Variants in ANKRD6 observed in about 807,000 individuals in gnomAD.
ANKRD6 encodes the protein ankyrin repeat domain 6.
In ANKRD6, 56 loss-of-function variants were observed where a neutral mutation model predicts 82.3. The observed-to-expected ratio is 0.68, with a 90% CI of 0.55 to 0.85. The LOEUF is 0.85. Among genes scored for constraint, ANKRD6 ranks in the 40% least tolerant of loss-of-function variants. ANKRD6 has a pLI of 0.00. For missense variants in ANKRD6, 852 were observed against 907.6 expected, an observed-to-expected ratio of 0.94 and a Z score of 0.79; for synonymous variants, 347 against 352.1, an observed-to-expected ratio of 0.99 and a Z score of 0.16.
At chr6:89,610,473 A>G (rs2128211936) in intron 5 of ANKRD6, among the ~76,000 whole-genome samples, 1 of 151,590 alleles carries the variant, frequency 6.6e-6, no homozygotes, top group East Asian at 1.9e-4. Flanking sequence ...GTGTGGATCT[A>G]CCACAATTTG....
chr6:89,539,791 C>T, intron 1 of ANKRD6, among the ~76,000 whole-genome samples: 1 of 151,074 alleles, frequency 6.6e-6, no homozygotes. Context: ...TCCACCCAGC[C>T]CCCAATAACT....
chr6:89,566,411 G>C (rs1425685064), intron 1 of ANKRD6, among the ~76,000 whole-genome samples: 4 of 152,224 alleles, frequency 2.6e-5, no homozygotes, highest in Admixed American at 6.5e-5. Flanking sequence ...TGACCCACTG[G>C]GGAAGCGGCA....
intron 12 of ANKRD6, 113 bp downstream of exon 12, chr6:89,624,170 A>C (rs1167905817): frequency 1.3e-5 from 16 of 1,257,290 alleles, no homozygotes; most frequent in Non-Finnish European, 1.7e-5. Context: ...AGTTGAGCAC[A>C]AGCTTTGAAG....
At chr6:89,504,745 G>T (rs1779652760) in intron 1 of ANKRD6, among the ~76,000 whole-genome samples, 1 of 152,166 alleles carries the variant, frequency 6.6e-6, no homozygotes, top group Non-Finnish European at 1.5e-5. Flanking sequence ...TTGGGAATTT[G>T]CCCATCCAGT....
intron 1 of ANKRD6, among the ~76,000 whole-genome samples, chr6:89,504,338 A>G (rs762646696): frequency 3.9e-5 from 6 of 152,110 alleles, no homozygotes; most frequent in Non-Finnish European, 5.9e-5. Flanking sequence ...TAGGTTCTCC[A>G]TAGAGGGTAG....
rs112034385 is a variant in ANKRD6, at chr6:89,592,797, C to A, written c.121-3119C>A. ...AGGAGGATCTCTTGAGACACACACACAAAAAAACGTTGCCAGGCACATGGC... is the reference window on the plus strand; with the variant it reads ...AGGAGGATCTCTTGAGACACACACAAAAAAAAACGTTGCCAGGCACATGGC... On this transcript the variant is annotated intron_variant, in intron 2 of 15. Coordinates refer to ENST00000339746, the MANE Select transcript of ANKRD6 (RefSeq NM_001242809.2). Among the ~76,000 whole-genome samples, 687 of 152,108 alleles carry A rather than the reference C, an allele frequency of 4.5e-3. 5 individuals are homozygous for A. The highest frequency in any genetic ancestry group is 7.6e-3 in the Non-Finnish European group (516 of 67,978).
At chr6:89,584,801 T>C (rs1793349505) in intron 2 of ANKRD6, among the ~76,000 whole-genome samples, 1 of 152,210 alleles carries the variant, frequency 6.6e-6, no homozygotes, top group African/African-American at 2.4e-5. Flanking sequence ...ACATTTATTT[T>C]TCACAGTTTT....
At chr6:89,613,950 G>T in intron 7 of ANKRD6, 60 bp downstream of exon 7, 1 of 1,557,352 alleles carries the variant, frequency 6.4e-7, no homozygotes, top group Non-Finnish European at 8.8e-7. Flanking sequence ...TACCGGACAG[G>T]TCTGTTAGTG....
chr6:89,450,657 AC>A (rs1265981919), intron 1 of ANKRD6, among the ~76,000 whole-genome samples: 1 of 151,932 alleles, frequency 6.6e-6, no homozygotes, highest in East Asian at 1.9e-4. Flanking sequence ...ACCTAGGACT[AC>A]AAGTCTGCAC....
At chr6:89,624,723 A>G in intron 13 of ANKRD6, 32 bp downstream of exon 13, 1 of 1,593,412 alleles carries the variant, frequency 6.3e-7, no homozygotes. Context: ...CCTAATTGCA[A>G]GGTGTTCTGG....
intron 2 of ANKRD6, among the ~76,000 whole-genome samples, chr6:89,590,481 A>G (rs926981725): frequency 1.3e-5 from 2 of 151,952 alleles, no homozygotes; most frequent in African/African-American, 4.8e-5. Flanking sequence ...CAACAGACCA[A>G]CCTCCCCAGG....
At chr6:89,492,152 G>A (rs771561011) in intron 1 of ANKRD6, among the ~76,000 whole-genome samples, 1 of 152,352 alleles carries the variant, frequency 6.6e-6, no homozygotes, top group African/African-American at 2.4e-5. Flanking sequence ...GGTAAGGAAA[G>A]ATGCTTTTCC....
intron 1 of ANKRD6, among the ~76,000 whole-genome samples, chr6:89,530,900 T>C (rs939267347): frequency 6.6e-6 from 1 of 152,216 alleles, no homozygotes; most frequent in Non-Finnish European, 1.5e-5. Context: ...AAGTCATGGA[T>C]ACTACCTCAA....
rs1055900813 is a variant in ANKRD6, at chr6:89,602,821, T to G, written c.220-208T>G. On this transcript the variant is annotated intron_variant, in intron 3 of 15. Transcript: ENST00000339746. Reference sequence around the variant, plus strand: ...TCGGCTTAAGGTCCCCCTCTTAGTTTATGAACAAAATTTCTCTGCCAGCGT... The same window carrying G: ...TCGGCTTAAGGTCCCCCTCTTAGTTGATGAACAAAATTTCTCTGCCAGCGT... 17 of 537,984 alleles carry G rather than the reference T, an allele frequency of 3.2e-5. 1 individual carries two copies. The Admixed American group carries it at 4.6e-4, about 14-fold the overall frequency. 33.3% of individuals were successfully genotyped at this position (537,984 alleles called of 1,614,324 possible).
intron 1 of ANKRD6, among the ~76,000 whole-genome samples, chr6:89,444,721 A>C (rs916420994): frequency 6.6e-6 from 1 of 152,180 alleles, no homozygotes; most frequent in Admixed American, 6.6e-5. Flanking sequence ...TAATCCCAGC[A>C]CTTTGGGAGG....
chr6:89,550,010 C>T (rs1785625055), intron 1 of ANKRD6, among the ~76,000 whole-genome samples: 1 of 152,058 alleles, frequency 6.6e-6, no homozygotes, highest in South Asian at 2.1e-4. Context: ...GCAGGAGGAT[C>T]ACCTGGGCCC....
chr6:89,443,039 T>A (rs1270485843), intron 1 of ANKRD6, among the ~76,000 whole-genome samples: 1 of 152,212 alleles, frequency 6.6e-6, no homozygotes, highest in East Asian at 1.9e-4. Context: ...GAAACATATT[T>A]TGGGATAAAA....
chr6:89,465,062 C>T (rs1398350787), intron 1 of ANKRD6, among the ~76,000 whole-genome samples: 1 of 152,046 alleles, frequency 6.6e-6, no homozygotes, highest in Non-Finnish European at 1.5e-5. Flanking sequence ...CACTTAGATC[C>T]TCTTTCTTTA....
chr6:89,459,038 T>A (rs925938008), intron 1 of ANKRD6, among the ~76,000 whole-genome samples: 1 of 152,160 alleles, frequency 6.6e-6, no homozygotes, highest in African/African-American at 2.4e-5. Context: ...GTCCTGTTGG[T>A]TCAGAGTTCA....
Sources: gnomAD v4.1 joint callset for allele counts (sites outside exome capture counted in the v4.1 genomes callset) on GRCh38, gnomAD v4.1.1 for gene constraint, MANE v1.5 for transcripts, NCBI Gene and HGNC (gene_info 2026-07-23, HGNC 2026-07-21) for gene names.